Variants in SEZ6 observed in about 807,000 individuals in gnomAD.
SEZ6 encodes seizure protein 6 homolog.
A neutral mutation model predicts 101.0 loss-of-function variants in SEZ6; 53 were observed. The ratio of observed to expected loss-of-function variants is 0.52; its 90% CI spans 0.42 to 0.66. The LOEUF (loss-of-function observed/expected upper bound fraction) is 0.66. Among genes scored for constraint, SEZ6 ranks in the 30% least tolerant of loss-of-function variants. The pLI is 0.00. For missense variants in SEZ6, 1,102 were observed against 1,289.4 expected, an observed-to-expected ratio of 0.85 and a Z score of 2.23; for synonymous variants, 488 against 512.2, an observed-to-expected ratio of 0.95 and a Z score of 0.64.
At chr17:28,974,291 C>A (rs1187231827) in intron 3 of SEZ6, among the ~76,000 whole-genome samples, 1 of 152,164 alleles carries the variant, frequency 6.6e-6, no homozygotes, top group Admixed American at 6.5e-5. Context: ...TGTGTGTACT[C>A]GGACACAGGC....
chr17:28,991,280 C>T lies in SEZ6; in HGVS notation c.56-9241G>A, dbSNP rs962219825. ...AGTGCAGTGGCACGATCTTGGCTCA[C>T]TGCAACCTCCGCCTCCTGGGTTCAA... On this transcript the variant is annotated intron_variant, in intron 1 of 16. Transcript: ENST00000317338. Among the ~76,000 whole-genome samples the T allele has an allele frequency of 2.6e-5, 4 of 152,190 alleles. No individual in the cohort carries two copies. The East Asian group carries it at 7.7e-4, about 29-fold the overall frequency.
In SEZ6 at chr17:28,957,177, G is replaced by T. The variant is rs746238342; in HGVS notation, c.2560C>A (p.Gln854Lys). 11 of 1,613,916 alleles carry T rather than the reference G, an allele frequency of 6.8e-6. No homozygotes were observed. The highest frequency in any genetic ancestry group is 9.3e-6 in the Non-Finnish European group (11 of 1,179,898). Residue 854 changes from glutamine to lysine, a missense_variant, in exon 13 of 17, where the codon CAG becomes AAG. Around this residue, in one of 3 missense-constraint regions of SEZ6, gnomAD observed 556 missense variants for 735.1 expected, o/e 0.76. Transcript: ENST00000317338. ...ATGGTGGCCCCTGCTGGGTGTAGCT[G>T]CTTCTCAGGACTTCGGGCACCATTC... ...PENGARSPEKQLHPAGATIHF... is the reference protein window; with the variant it reads ...PENGARSPEKKLHPAGATIHF...
rs1394929740 is a variant in SEZ6 at position 28,955,871 on chromosome 17, G to A, written c.*91C>T. 3.5e-6 allele frequency: 5 copies of A among 1,425,434 alleles called. No individual in the cohort carries two copies. The African/African-American group carries it at 7.1e-5, about 20-fold the overall frequency. 88.3% of individuals were successfully genotyped at this position (1,425,434 alleles called of 1,614,324 possible). A position where few individuals can be genotyped will look rare whatever the true frequency, so the allele number is the denominator to read the frequency against. On this transcript the variant is annotated 3_prime_UTR_variant, in exon 17 of 17. Transcript: ENST00000317338. ...TCCTAGGTGGTATATACAGGAGGTG[G>A]AGGGACAGCAGGAAGCAAGGAGCCT...
chr17:28,998,143 G>T (rs1035954544), intron 1 of SEZ6, among the ~76,000 whole-genome samples: 1 of 151,974 alleles, frequency 6.6e-6, no homozygotes, highest in Non-Finnish European at 1.5e-5. Context: ...GGAGGGATGG[G>T]GCTGGAAGTT....
At chr17:28,970,541 G>A (rs1290602844) in intron 3 of SEZ6, among the ~76,000 whole-genome samples, 5 of 152,064 alleles carry the variant, frequency 3.3e-5, no homozygotes, top group African/African-American at 1.2e-4. Flanking sequence ...CCTCATACCT[G>A]GTCAGTCATT....
At chr17:29,001,444 C>G (rs2041613506) in intron 1 of SEZ6, among the ~76,000 whole-genome samples, 1 of 152,150 alleles carries the variant, frequency 6.6e-6, no homozygotes. Context: ...GTCCTCTGAC[C>G]CAGGCTGGAG....
At chr17:29,002,990 G>A (rs1294989065) in intron 1 of SEZ6, among the ~76,000 whole-genome samples, 2 of 152,262 alleles carry the variant, frequency 1.3e-5, no homozygotes, top group Admixed American at 6.5e-5. Context: ...AGCTCAGAGA[G>A]GTGGAGCAGC....
intron 3 of SEZ6, among the ~76,000 whole-genome samples, chr17:28,977,366 C>T (rs1164678312): frequency 1.3e-5 from 2 of 152,284 alleles, no homozygotes; most frequent in Non-Finnish European, 2.9e-5. Flanking sequence ...TTCAGACTAT[C>T]TCAGGCCGTC....
intron 3 of SEZ6, among the ~76,000 whole-genome samples, chr17:28,970,440 G>A (rs2041135069): frequency 6.6e-6 from 1 of 152,190 alleles, no homozygotes; most frequent in Non-Finnish European, 1.5e-5. Context: ...CTCATGCTAG[G>A]TGACTGTCTT....
rs1279077663 is a variant in SEZ6, at chr17:28,957,916, G to C, written c.2302+31C>G. The C allele has an allele frequency of 1.9e-6, 3 of 1,595,748 alleles. No homozygotes were observed. In the Admixed American group the frequency reaches 5.1e-5, roughly 27 times the overall value. ...GAGAGAGGTTTGGAGTTTGTGTTGG[G>C]AAGGGGAGCGTGGGGAACAGGTATA... On this transcript the variant is annotated intron_variant, in intron 11 of 16. Coordinates refer to ENST00000317338, the MANE Select transcript of SEZ6 (RefSeq NM_178860.5).
intron 13 of SEZ6, 95 bp from the exon 14 acceptor site, chr17:28,956,852 G>T: frequency 2.0e-6 from 3 of 1,477,320 alleles, no homozygotes; most frequent in South Asian, 1.2e-5. Context: ...TCATGGGAAG[G>T]ATTTGTCCAA....
At chr17:29,003,289 G>A (rs78540159) in intron 1 of SEZ6, among the ~76,000 whole-genome samples, 2,288 of 152,270 alleles carry the variant, frequency 0.015, 65 homozygotes, top group African/African-American at 0.052. Context: ...AAGATACCCC[G>A]TGGCCCAAGA....
At chr17:28,981,282 G>C in intron 2 of SEZ6, 89 bp downstream of exon 2, 1 of 1,472,432 alleles carries the variant, frequency 6.8e-7, no homozygotes. Context: ...GGGCAGGGCA[G>C]GCTGGCACAG....
intron 4 of SEZ6, 78 bp from the exon 5 acceptor site, chr17:28,964,225 T>G (rs1598184026): frequency 2.1e-6 from 3 of 1,428,892 alleles, no homozygotes; most frequent in Non-Finnish European, 2.8e-6. Flanking sequence ...GGGGGAGGTC[T>G]GCCTCAGTCT....
At chr17:28,998,240 G>A (rs1204889692) in intron 1 of SEZ6, among the ~76,000 whole-genome samples, 5 of 152,226 alleles carry the variant, frequency 3.3e-5, no homozygotes, top group South Asian at 2.1e-4. Flanking sequence ...CATGGGGGGC[G>A]CTCAGTGGTT....
Position 28,959,289 on chromosome 17 carries a change from C to T in SEZ6, c.1910+45G>A. ...GAGGATGGGCTGGACAAGGGATATCCCCAGACCTCAGGAGTTGGCTCGGCC... is the reference window on the plus strand; with the variant it reads ...GAGGATGGGCTGGACAAGGGATATCTCCAGACCTCAGGAGTTGGCTCGGCC... On this transcript the variant is annotated intron_variant, in intron 9 of 16. Coordinates refer to ENST00000317338, the MANE Select transcript of SEZ6 (RefSeq NM_178860.5). The surrounding 1 kb of genome is among the most constrained non-coding windows in gnomAD (Gnocchi z 4.4). 1 of 1,613,794 alleles carries T rather than the reference C, an allele frequency of 6.2e-7. No homozygotes were observed. The highest frequency in any genetic ancestry group is 1.7e-5 in the Admixed American group (1 of 60,010).
chr17:28,989,907 A>C (rs1253017991), intron 1 of SEZ6, among the ~76,000 whole-genome samples: 1 of 152,152 alleles, frequency 6.6e-6, no homozygotes, highest in Non-Finnish European at 1.5e-5. Flanking sequence ...CCCCATTTCT[A>C]CTAAAAATAC....
intron 3 of SEZ6, among the ~76,000 whole-genome samples, chr17:28,978,145 G>C (rs1449924588): frequency 2.0e-5 from 3 of 152,214 alleles, no homozygotes; most frequent in Non-Finnish European, 4.4e-5. Flanking sequence ...GCAGGAATTG[G>C]AATGGGCGGG....
chr17:28,974,807 G>A (rs999099287), intron 3 of SEZ6, among the ~76,000 whole-genome samples: 1 of 152,206 alleles, frequency 6.6e-6, no homozygotes, highest in Non-Finnish European at 1.5e-5. Flanking sequence ...ATCCTGACAG[G>A]TACCGGTCTC....
Sources: gnomAD v4.1 joint callset for allele counts (sites outside exome capture counted in the v4.1 genomes callset) on GRCh38, gnomAD v4.1.1 for gene constraint, gnomAD v4.1.1 regional missense constraint, Gnocchi (gnomAD v3.1) non-coding constraint, MANE v1.5 for transcripts, NCBI Gene and HGNC (gene_info 2026-07-23, HGNC 2026-07-21) for gene names.